MICU3: variants seen among roughly 807,000 people sequenced by gnomAD.
The protein encoded by MICU3 is mitochondrial calcium uptake 3.
In MICU3, 62 loss-of-function variants were observed where a neutral mutation model predicts 66.5. That is an observed-to-expected ratio of 0.93 (90% CI 0.76 to 1.15). The LOEUF is 1.15. Among genes scored for constraint, MICU3 ranks in the 50% most tolerant of loss-of-function variants. The pLI, the probability that MICU3 is intolerant of heterozygous loss-of-function variation, is 0.00. For synonymous variants in MICU3, 308 were observed against 240.7 expected, an observed-to-expected ratio of 1.28 and a Z score of -2.59; for missense variants, 779 against 664.4, an observed-to-expected ratio of 1.17 and a Z score of -1.90.
intron 1 of MICU3, among the ~76,000 whole-genome samples, chr8:17,040,056 C>T (rs978714205): frequency 5.3e-5 from 8 of 151,662 alleles, no homozygotes; most frequent in East Asian, 3.9e-4. Context: ...TACAAGCATG[C>T]GCCAGCACGC....
intron 1 of MICU3, among the ~76,000 whole-genome samples, chr8:17,038,137 G>A (rs1563272974): frequency 6.6e-6 from 1 of 152,186 alleles, no homozygotes; most frequent in African/African-American, 2.4e-5. Context: ...TTGGGGGACT[G>A]TTGGAAGGCA....
At chr8:17,056,482 C>T (rs1585259629) in intron 1 of MICU3, among the ~76,000 whole-genome samples, 1 of 152,172 alleles carries the variant, frequency 6.6e-6, no homozygotes, top group African/African-American at 2.4e-5. Flanking sequence ...TGAACCTCTT[C>T]CAAGTGATAT....
intron 13 of MICU3, among the ~76,000 whole-genome samples, chr8:17,116,971 T>G (rs1022863030): frequency 2.0e-5 from 3 of 152,146 alleles, no homozygotes; most frequent in Non-Finnish European, 2.9e-5. Context: ...TATTTTATTT[T>G]AATTTAATTT....
chr8:17,071,521 C>A (rs1819581956), intron 3 of MICU3, among the ~76,000 whole-genome samples: 1 of 151,970 alleles, frequency 6.6e-6, no homozygotes, highest in Non-Finnish European at 1.5e-5. Context: ...GCAAAACAGT[C>A]AGATTCTGAG....
At chr8:17,067,016 T>C (rs1370137112) in intron 2 of MICU3, among the ~76,000 whole-genome samples, 1 of 152,216 alleles carries the variant, frequency 6.6e-6, no homozygotes, top group Non-Finnish European at 1.5e-5. Flanking sequence ...AACTGGTTTC[T>C]ATTATAGAAA....
At chr8:17,101,762 A>G (rs1801275418) in intron 9 of MICU3, among the ~76,000 whole-genome samples, 1 of 151,850 alleles carries the variant, frequency 6.6e-6, no homozygotes, top group African/African-American at 2.4e-5. Flanking sequence ...GATGTATATA[A>G]TATGTAATTT....
At chr8:17,112,454 A>T (rs190717620) in intron 11 of MICU3, among the ~76,000 whole-genome samples, 7 of 152,214 alleles carry the variant, frequency 4.6e-5, no homozygotes, top group Non-Finnish European at 7.4e-5. Context: ...CCCCTCTCTG[A>T]CTGTCTGTCC....
intron 1 of MICU3, among the ~76,000 whole-genome samples, chr8:17,051,605 G>T (rs914305738): frequency 8.5e-5 from 13 of 152,184 alleles, no homozygotes; most frequent in African/African-American, 2.9e-4. Flanking sequence ...AGGAGGAAAA[G>T]CAAGACAGTG....
chr8:17,047,581 A>G (rs180809512), intron 1 of MICU3, among the ~76,000 whole-genome samples: 69 of 152,340 alleles, frequency 4.5e-4, no homozygotes, highest in African/African-American at 1.6e-3. Context: ...AAAGAGAGAC[A>G]GGACAGACTT....
At position 17,077,838 on chromosome 8, in the gene MICU3, T is replaced by C; in HGVS notation, c.623T>C (p.Leu208Pro). 6.2e-7 allele frequency: 1 copy of C among 1,611,584 alleles called. No homozygotes were observed. The highest frequency in any genetic ancestry group is 8.5e-7 in the Non-Finnish European group (1 of 1,178,256). Residue 208 changes from leucine to proline, a missense_variant, in exon 4 of 15, where the codon CTA becomes CCA. Physicochemically the swap from Leu to Pro is moderately conservative, Grantham distance 98. Coordinates refer to ENST00000318063, the MANE Select transcript of MICU3 (RefSeq NM_181723.3). ...TPPVWKGSSK[L>P]FRNLKEKGVI... ...CCAGTTTGGAAAGGCTCATCGAAGCTATTTCGAAATCTTAAAGAAAAAGGT... is the reference window on the plus strand; with the variant it reads ...CCAGTTTGGAAAGGCTCATCGAAGCCATTTCGAAATCTTAAAGAAAAAGGT...
At chr8:17,137,421 C>T in the MICU3 span, among the ~76,000 whole-genome samples, 2 of 149,024 alleles carry the variant, frequency 1.3e-5, no homozygotes, top group Non-Finnish European at 3.0e-5. Flanking sequence ...TATTAAATAG[C>T]ACATAAAAAC....
At chr8:17,115,111 T>C (rs1367717309) in intron 12 of MICU3, among the ~76,000 whole-genome samples, 1 of 104,390 alleles carries the variant, frequency 9.6e-6, no homozygotes, top group East Asian at 3.4e-4. Context: ...AGAGCGAGAC[T>C]CCGTCTCAAA....
chr8:17,052,851 A>G (rs1346948025), intron 1 of MICU3, among the ~76,000 whole-genome samples: 4 of 152,172 alleles, frequency 2.6e-5, no homozygotes, highest in Non-Finnish European at 5.9e-5. Context: ...TTCCATGAAC[A>G]TCTTTTTTAG....
intron 1 of MICU3, among the ~76,000 whole-genome samples, chr8:17,048,514 G>A (rs995693527): frequency 2.6e-5 from 4 of 152,172 alleles, no homozygotes; most frequent in Non-Finnish European, 5.9e-5. Flanking sequence ...CCATGATTCA[G>A]TTACCTCCCC....
At chr8:17,138,235 G>C in the MICU3 span, among the ~76,000 whole-genome samples, 1 of 152,034 alleles carries the variant, frequency 6.6e-6, no homozygotes, top group African/African-American at 2.4e-5. Context: ...AAATTCCAAA[G>C]AGGTTTGCAT....
At chr8:17,083,461 C>T (rs763925688) in intron 5 of MICU3, among the ~76,000 whole-genome samples, 3 of 152,054 alleles carry the variant, frequency 2.0e-5, no homozygotes, top group South Asian at 2.1e-4. Flanking sequence ...CGGGAAAGAG[C>T]GCTTATCATC....
At chr8:17,127,830 C>T in the MICU3 span, among the ~76,000 whole-genome samples, 1 of 151,934 alleles carries the variant, frequency 6.6e-6, no homozygotes, top group Non-Finnish European at 1.5e-5. Context: ...TACACTGAAC[C>T]ATTTCTAGTG....
Position 17,100,138 on chromosome 8 carries a change from C to G in MICU3, c.984+1585C>G, listed in dbSNP as rs540844982. Among the ~76,000 whole-genome samples, 10 of 151,816 alleles carry G rather than the reference C, an allele frequency of 6.6e-5. No homozygotes were observed. The East Asian group carries it at 1.2e-3, about 18-fold the overall frequency. Reference sequence around the variant, plus strand: ...CCCAACTCAACATTCTGTGACACCCCCTTTGTTACTTGAAAGTGGCCGTGA... The same window carrying G: ...CCCAACTCAACATTCTGTGACACCCGCTTTGTTACTTGAAAGTGGCCGTGA... On this transcript the variant is annotated intron_variant, in intron 9 of 14. Transcript: ENST00000318063.
intron 11 of MICU3, among the ~76,000 whole-genome samples, 178 bp downstream of exon 11, chr8:17,105,762 T>G (rs1801686818): frequency 6.6e-6 from 1 of 152,050 alleles, no homozygotes; most frequent in African/African-American, 2.4e-5. Context: ...AATTGTATAT[T>G]CTGGTTAGAT....
Sources: allele counts gnomAD v4.1 joint callset (sites outside exome capture counted in the v4.1 genomes callset), GRCh38; gene constraint gnomAD v4.1.1; transcripts MANE v1.5; gene names NCBI Gene and HGNC (gene_info 2026-07-23, HGNC 2026-07-21).